RFX4: variants seen among roughly 807,000 people sequenced by gnomAD.
The protein encoded by RFX4 is transcription factor RFX4.
Under a neutral mutation model 95.0 loss-of-function variants are expected in RFX4, and 10 were observed. The observed-to-expected ratio is 0.11, with a 90% CI of 0.06 to 0.18. The LOEUF (loss-of-function observed/expected upper bound fraction) is 0.18, where lower values mean the gene tolerates loss of function less well. RFX4 is among the 10% of genes least tolerant of loss of function. RFX4 has a pLI of 1.00. For synonymous variants in RFX4, 321 were observed against 340.7 expected (o/e 0.94, Z 0.64); for missense variants, 640 against 922.0 (o/e 0.69, Z 3.96).
chr12:106,602,269 A>G (rs1308763104), intron 1 of RFX4, among the ~76,000 whole-genome samples: 2 of 152,210 alleles, frequency 1.3e-5, no homozygotes, highest in Non-Finnish European at 2.9e-5. Flanking sequence ...TAAATGCCAG[A>G]CATCACCATT....
At chr12:106,615,328 T>C (rs1467993574) in intron 2 of RFX4, among the ~76,000 whole-genome samples, 1 of 152,222 alleles carries the variant, frequency 6.6e-6, no homozygotes, top group African/African-American at 2.4e-5. Context: ...TTCCAAACTG[T>C]TGGTCTTACT....
At chr12:106,746,304 T>C (rs543746582) in intron 15 of RFX4, among the ~76,000 whole-genome samples, 55 of 146,172 alleles carry the variant, frequency 3.8e-4, no homozygotes, top group African/African-American at 1.4e-3. Context: ...TGCAGTGAGC[T>C]GAGATTATGC....
Position 106,583,285 on chromosome 12 carries a change from CT to C in RFX4, c.-32del, listed in dbSNP as rs2137153828. On this transcript the variant is annotated 5_prime_UTR_variant, in exon 1 of 18. Coordinates refer to ENST00000392842, the MANE Select transcript of RFX4 (RefSeq NM_213594.3). ...CACAGGGGATCCCCAAACATCAGGACTTTTGGGGGGCGCCTGTGCTGTCCAT... is the reference window on the plus strand; with the variant it reads ...CACAGGGGATCCCCAAACATCAGGACTTTGGGGGGCGCCTGTGCTGTCCAT... The C allele has an allele frequency of 1.3e-6, 2 of 1,559,896 alleles. No homozygotes were observed. Among genetic ancestry groups the C allele is most frequent in the East Asian group, 2.5e-5 (1 of 40,570 alleles).
chr12:106,741,900 A>C (rs1288136011), intron 15 of RFX4, among the ~76,000 whole-genome samples: 2 of 152,164 alleles, frequency 1.3e-5, no homozygotes, highest in East Asian at 3.9e-4. Context: ...TTGCATGTGC[A>C]GTTCATAGGG....
At chr12:106,671,305 C>G (rs192502282) in intron 4 of RFX4, among the ~76,000 whole-genome samples, 267 of 152,240 alleles carry the variant, frequency 1.8e-3, no homozygotes, top group Non-Finnish European at 2.5e-3. Context: ...GATTGGAGAT[C>G]AAACTGATCA....
intron 3 of RFX4, among the ~76,000 whole-genome samples, chr12:106,652,365 C>G (rs953471965): frequency 2.0e-5 from 3 of 152,150 alleles, no homozygotes; most frequent in African/African-American, 7.2e-5. Context: ...ATATCCCCAG[C>G]GCCTGGCAGG....
At chr12:106,596,831 T>C (rs2039627026) in intron 1 of RFX4, among the ~76,000 whole-genome samples, 2 of 152,270 alleles carry the variant, frequency 1.3e-5, no homozygotes, top group African/African-American at 2.4e-5. Context: ...TAGCATCTGC[T>C]AGAGTGGCTT....
At chr12:106,600,871 C>G (rs1278782850) in intron 1 of RFX4, among the ~76,000 whole-genome samples, 1 of 152,204 alleles carries the variant, frequency 6.6e-6, no homozygotes, top group Non-Finnish European at 1.5e-5. Flanking sequence ...GCACCCCCAC[C>G]TCTCTTGATC....
At chr12:106,738,679 T>C (rs2042754845) in intron 15 of RFX4, among the ~76,000 whole-genome samples, 1 of 152,228 alleles carries the variant, frequency 6.6e-6, no homozygotes, top group Non-Finnish European at 1.5e-5. Context: ...AGACTATGTA[T>C]GATATTTTTC....
chr12:106,595,118 AC>A (rs1295291731), intron 1 of RFX4, among the ~76,000 whole-genome samples: 5 of 152,150 alleles, frequency 3.3e-5, no homozygotes, highest in Non-Finnish European at 7.3e-5. Flanking sequence ...TATTTAACTC[AC>A]ATATTGACTC....
intron 1 of RFX4, among the ~76,000 whole-genome samples, chr12:106,591,380 G>A (rs1331988952): frequency 2.8e-5 from 4 of 143,052 alleles, no homozygotes; most frequent in Non-Finnish European, 6.0e-5. Context: ...CAATTCTCCT[G>A]TCTCAGCCTC....
intron 4 of RFX4, among the ~76,000 whole-genome samples, chr12:106,676,071 A>G (rs1367599249): frequency 6.6e-6 from 1 of 152,164 alleles, no homozygotes; most frequent in African/African-American, 2.4e-5. Flanking sequence ...ATGGGAGGAT[A>G]TGGGTAGAAT....
chr12:106,628,435 TAGA>T (rs2040348245), intron 2 of RFX4, among the ~76,000 whole-genome samples: 3 of 152,198 alleles, frequency 2.0e-5, no homozygotes. Flanking sequence ...AAAGCCTCCC[TAGA>T]TTATGGGTGT....
At chr12:106,685,139 G>A (rs1436122812) in intron 5 of RFX4, among the ~76,000 whole-genome samples, 2 of 152,164 alleles carry the variant, frequency 1.3e-5, no homozygotes, top group African/African-American at 2.4e-5. Context: ...TGTGAAAATC[G>A]ACTCTAGACG....
intron 14 of RFX4, among the ~76,000 whole-genome samples, chr12:106,732,453 A>C (rs2042631614): frequency 6.6e-6 from 1 of 152,160 alleles, no homozygotes; most frequent in African/African-American, 2.4e-5. Context: ...CAATCCCAGC[A>C]CTTTGGGAGG....
chr12:106,742,138 A>C (rs2042818011), intron 15 of RFX4, among the ~76,000 whole-genome samples: 1 of 152,162 alleles, frequency 6.6e-6, no homozygotes, highest in African/African-American at 2.4e-5. Context: ...AATTTTCAGA[A>C]GTCTGTAGCA....
chr12:106,736,044 C>A lies in RFX4; in HGVS notation c.1633+2959C>A, dbSNP rs59787578. On this transcript the variant is annotated intron_variant, in intron 15 of 17. Coordinates refer to ENST00000392842, the MANE Select transcript of RFX4 (RefSeq NM_213594.3). The stretch of plus-strand genomic sequence containing the variant: ...CTCTACTACCCTCCTGTTACCCAGG[C>A]AACAAATACGGGAGTCAGCTTCAAA... Among the ~76,000 whole-genome samples the A allele has an allele frequency of 1.8e-4, 27 of 152,266 alleles. No individual in the cohort carries two copies. In the East Asian group the frequency reaches 5.2e-3, roughly 29 times the overall value.
intron 10 of RFX4, 132 bp downstream of exon 10, chr12:106,711,643 C>G: frequency 1.4e-6 from 1 of 706,650 alleles, no homozygotes; most frequent in Non-Finnish European, 2.5e-6. Context: ...TTAATTTCTA[C>G]AGATAAGGAA....
chr12:106,641,191 A>G (rs1005885973), intron 3 of RFX4, among the ~76,000 whole-genome samples: 1 of 152,240 alleles, frequency 6.6e-6, no homozygotes, highest in East Asian at 1.9e-4. Flanking sequence ...CTGGGATTCC[A>G]GGACATCTGC....
Sources: allele counts gnomAD v4.1 joint callset (sites outside exome capture counted in the v4.1 genomes callset), GRCh38; gene constraint gnomAD v4.1.1; transcripts MANE v1.5; gene names NCBI Gene and HGNC (gene_info 2026-07-23, HGNC 2026-07-21).